The following DLG4 variants were observed in gnomAD, a reference collection of about 807,000 sequenced individuals.
The protein encoded by DLG4 is disks large homolog 4.
DLG4 carries 7 observed loss-of-function variants against 93.8 expected under a neutral mutation model. The observed-to-expected ratio is 0.07, with a 90% CI of 0.04 to 0.14. The LOEUF is 0.14. DLG4 is among the 10% of genes least tolerant of loss of function. DLG4 has a pLI of 1.00. For synonymous variants in DLG4, 341 were observed against 387.6 expected (o/e 0.88, Z 1.41); for missense variants, 545 against 992.9 (o/e 0.55, Z 6.06).
Position 7,191,518 on chromosome 17 carries a change from C to T in DLG4, c.1977-160G>A, listed in dbSNP as rs1029743221. The stretch of plus-strand genomic sequence containing the variant: ...TCTGGGGCCACAGATGAGAACCACC[C>T]CCCACCCCCCTGCCACCCGCAACCG... On this transcript the variant is annotated intron_variant, in intron 18 of 19. Coordinates refer to ENST00000399506, the MANE Select transcript of DLG4 (RefSeq NM_001321075.3). This position sits in a 1 kb window ranked among gnomAD's most constrained non-coding sequence, Gnocchi z 6.6. 1.5e-6 allele frequency: 1 copy of T among 672,256 alleles called. No homozygotes were observed. Among genetic ancestry groups the T allele is most frequent in the Non-Finnish European group, 2.6e-6 (1 of 392,014 alleles). 41.6% of individuals were successfully genotyped at this position (672,256 alleles called of 1,614,324 possible).
chr17:7,217,773 C>T (rs915000249), upstream of DLG4: 19 of 1,535,168 alleles, frequency 1.2e-5, no homozygotes, highest in Middle Eastern at 3.3e-4. Context: ...CTGAGGCAAA[C>T]ATGGAGACCT....
intron 8 of DLG4, among the ~76,000 whole-genome samples, chr17:7,201,884 GA>G (rs1555523660): frequency 5.9e-5 from 9 of 151,966 alleles, no homozygotes; most frequent in Non-Finnish European, 1.5e-5. Flanking sequence ...TCCATTTCAA[GA>G]AAAAAATTAA....
intron 1 of DLG4, among the ~76,000 whole-genome samples, chr17:7,209,361 T>G (rs2070620066): frequency 6.6e-6 from 1 of 151,932 alleles, no homozygotes; most frequent in Admixed American, 6.6e-5. Flanking sequence ...CCTCGCCTGC[T>G]CCTCTCCTCT....
In DLG4 at chr17:7,193,175, C is replaced by G; in HGVS notation, c.1694-58G>C. The G allele has an allele frequency of 6.3e-7, 1 of 1,598,930 alleles. No homozygotes were observed. Among genetic ancestry groups the G allele is most frequent in the South Asian group, 1.1e-5 (1 of 88,918 alleles). On this transcript the variant is annotated intron_variant, in intron 16 of 19. Coordinates refer to ENST00000399506, the MANE Select transcript of DLG4 (RefSeq NM_001321075.3). This position sits in a 1 kb window ranked among gnomAD's most constrained non-coding sequence, Gnocchi z 6.7. ...TAACCACCATCCCTCTAGCTTAAATCCTGCCTACTTCAATCAAATCCCCAT... is the reference window on the plus strand; with the variant it reads ...TAACCACCATCCCTCTAGCTTAAATGCTGCCTACTTCAATCAAATCCCCAT...
At chr17:7,213,809 G>GA (rs916650252) in intron 1 of DLG4, 1 of 471,060 alleles carries the variant, frequency 2.1e-6, no homozygotes, top group African/African-American at 2.0e-5. Flanking sequence ...ACCCAAGCGA[G>GA]ATTGACCCCG....
At chr17:7,211,388 G>A (rs1403141069) in intron 1 of DLG4, among the ~76,000 whole-genome samples, 2 of 151,850 alleles carry the variant, frequency 1.3e-5, no homozygotes, top group African/African-American at 4.8e-5. Context: ...GGACGGAGTC[G>A]CTGTTGTTCC....
At chr17:7,218,220 C>T (rs41283399), upstream of DLG4, 49,500 of 1,601,176 alleles carry the variant, frequency 0.031, 947 homozygotes, top group Middle Eastern at 0.041. Flanking sequence ...GGAAGTTAGG[C>T]GCTCGCCCCC....
At position 7,191,402 on chromosome 17, in the gene DLG4, G is replaced by T; in HGVS notation, c.1977-44C>A. Reference sequence around the variant, plus strand: ...AGCAGGCCTGAGACTGGACCCACCTGACCCTGCCTTTTATCTCCTCTATCC... The same window carrying T: ...AGCAGGCCTGAGACTGGACCCACCTTACCCTGCCTTTTATCTCCTCTATCC... On this transcript the variant is annotated intron_variant, in intron 18 of 19. Transcript: ENST00000399506. This position sits in a 1 kb window ranked among gnomAD's most constrained non-coding sequence, Gnocchi z 6.6. The T allele has an allele frequency of 6.7e-7, 1 of 1,497,728 alleles. No individual in the cohort carries two copies. Among genetic ancestry groups the T allele is most frequent in the South Asian group, 1.1e-5 (1 of 88,442 alleles). 92.8% of individuals were successfully genotyped at this position (1,497,728 alleles called of 1,614,324 possible). A position where few individuals can be genotyped will look rare whatever the true frequency, so the allele number is the denominator to read the frequency against.
In DLG4 at chr17:7,191,182, C is replaced by T. The variant is rs1200417230; in HGVS notation, c.2068+85G>A. On this transcript the variant is annotated intron_variant, in intron 19 of 19. Transcript: ENST00000399506. The surrounding 1 kb of genome is among the most constrained non-coding windows in gnomAD (Gnocchi z 6.6). The stretch of plus-strand genomic sequence containing the variant: ...GCCCACAGGGGCACCTCTTTCTAAG[C>T]CATCCACTGGGGGTGGCGGGGGAGC... 7.4e-7 allele frequency: 1 copy of T among 1,342,698 alleles called. No homozygotes were observed. The highest frequency in any genetic ancestry group is 2.3e-5 in the East Asian group (1 of 43,052). The allele number at this position is 1,342,698 out of a possible 1,614,324, so 83.2% of individuals were successfully genotyped here.
chr17:7,200,556 C>G (rs1240072139), intron 8 of DLG4, among the ~76,000 whole-genome samples: 4 of 132,620 alleles, frequency 3.0e-5, no homozygotes, highest in Admixed American at 3.0e-4. Context: ...TTTTTTTTGT[C>G]GTTTTTTGAG....
At chr17:7,202,704 G>A in intron 8 of DLG4, 199 bp downstream of exon 8, 1 of 699,890 alleles carries the variant, frequency 1.4e-6, no homozygotes, top group South Asian at 2.6e-5. Context: ...TTCCAGGAGA[G>A]AGATCGTTGA....
intron 2 of DLG4, 21 bp from the exon 3 acceptor site, chr17:7,204,273 C>T (rs765652362): frequency 1.9e-6 from 3 of 1,565,504 alleles, no homozygotes; most frequent in South Asian, 1.2e-5. Flanking sequence ...AAACAAGAGA[C>T]AAAAAGCAGC....
rs2069592952 is a variant in DLG4, at chr17:7,193,215, C to G, written c.1694-98G>C. 3 of 1,528,368 alleles carry G rather than the reference C, an allele frequency of 2.0e-6. No individual in the cohort carries two copies. In the African/African-American group the frequency reaches 4.1e-5, roughly 21 times the overall value. The allele number at this position is 1,528,368 out of a possible 1,614,324, so 94.7% of individuals were successfully genotyped here. A position where few individuals can be genotyped will look rare whatever the true frequency, so the allele number is the denominator to read the frequency against. The stretch of plus-strand genomic sequence containing the variant: ...CAAATCCCCATAGTGCCCAGCTGGT[C>G]CTTTGGTGAAAGGGAGCTGCCAGGG... On this transcript the variant is annotated intron_variant, in intron 16 of 19. Transcript: ENST00000399506. The surrounding 1 kb of genome is among the most constrained non-coding windows in gnomAD (Gnocchi z 6.7).
In DLG4 at chr17:7,195,035, A is replaced by G. The variant is rs891009242; in HGVS notation, c.1302-540T>C. ...CACCGTCTCAAAAAAAAAAAAAAAG[A>G]AAAAGAAAAAGAAAAACAGAAAGCA... On this transcript the variant is annotated intron_variant, in intron 11 of 19. Transcript: ENST00000399506. The surrounding 1 kb of genome is among the most constrained non-coding windows in gnomAD (Gnocchi z 4.3). Among the ~76,000 whole-genome samples, 1 of 135,588 alleles carries G rather than the reference A, an allele frequency of 7.4e-6. No individual in the cohort carries two copies. The highest frequency in any genetic ancestry group is 2.5e-5 in the African/African-American group (1 of 39,934). 89.0% of individuals were successfully genotyped at this position (135,588 alleles called of 152,430 possible).
At position 7,194,087 on chromosome 17, in the gene DLG4, C is replaced by T; in HGVS notation, c.1479-87G>A. 6.5e-7 allele frequency: 1 copy of T among 1,531,342 alleles called. No individual in the cohort carries two copies. Among genetic ancestry groups the T allele is most frequent in the Non-Finnish European group, 8.9e-7 (1 of 1,128,626 alleles). 94.9% of individuals were successfully genotyped at this position (1,531,342 alleles called of 1,614,324 possible). ...TCTGAGCCAGCTGACAACCCCTTCT[C>T]CATACTCTGGGCCAGCTGACACCCC... On this transcript the variant is annotated intron_variant, in intron 12 of 19. Transcript: ENST00000399506. The surrounding 1 kb of genome is among the most constrained non-coding windows in gnomAD (Gnocchi z 4.4).
chr17:7,203,798 A>C lies in DLG4; in HGVS notation c.229T>G (p.Phe77Val). The change falls in exon 5 of 20, where the codon TTC (phenylalanine) becomes GTC (valine). Residue 77 changes from phenylalanine to valine, a missense_variant. By Grantham distance (50) the Phe-to-Val change is conservative. This residue lies in a region of DLG4 where 33 missense variants were observed against 107.5 expected (regional missense o/e 0.31). Coordinates refer to ENST00000399506, the MANE Select transcript of DLG4 (RefSeq NM_001321075.3). The surrounding 1 kb of genome is among the most constrained non-coding windows in gnomAD (Gnocchi z 7.2). ...TLERGNSGLG[F>V]SIAGGTDNPH... ...TTGTCAGTGCCACCTGCGATGCTGA[A>C]GCCCAGACCTGAGTTACCCTGGGTG... The C allele has an allele frequency of 6.2e-7, 1 of 1,613,958 alleles. No homozygotes were observed. Among genetic ancestry groups the C allele is most frequent in the Non-Finnish European group, 8.5e-7 (1 of 1,179,880 alleles).
Position 7,217,144 on chromosome 17 carries a change from C to A in DLG4, c.4G>T (p.Asp2Tyr). The A allele has an allele frequency of 7.7e-7, 1 of 1,298,292 alleles. No homozygotes were observed. Among genetic ancestry groups the A allele is most frequent in the South Asian group, 2.9e-5 (1 of 34,092 alleles). 80.4% of individuals were successfully genotyped at this position (1,298,292 alleles called of 1,614,324 possible). A position where few individuals can be genotyped will look rare whatever the true frequency, so the allele number is the denominator to read the frequency against. Residue 2 changes from aspartate to tyrosine, a missense_variant, in exon 1 of 20, where the codon GAC (aspartate) becomes TAC (tyrosine). This residue lies in a region of DLG4 where 49 missense variants were observed against 80.4 expected (regional missense o/e 0.61). Coordinates refer to ENST00000399506, the MANE Select transcript of DLG4 (RefSeq NM_001321075.3). ...TTGGTTGTCACTATACAGAGACAGT[C>A]CATGTTGGGGGGCCTGGCCGCGGCG... Reference protein sequence around the residue: MDCLCIVTTKKY... With the variant: MYCLCIVTTKKY...
At chr17:7,204,306 G>A (rs2142889609) in intron 2 of DLG4, 54 bp from the exon 3 acceptor site, 3 of 1,504,374 alleles carry the variant, frequency 2.0e-6, no homozygotes, top group East Asian at 4.6e-5. Context: ...TCGAGAGGGA[G>A]CCCATAACGG....
upstream of DLG4, chr17:7,217,646 G>C: frequency 7.7e-7 from 1 of 1,296,272 alleles, no homozygotes; most frequent in Non-Finnish European, 1.1e-6. Context: ...AGCAGGGGGA[G>C]GGAGGGAGGG....
Sources: allele counts gnomAD v4.1 joint callset (sites outside exome capture counted in the v4.1 genomes callset), GRCh38; gene constraint gnomAD v4.1.1; regional missense constraint gnomAD v4.1.1; non-coding constraint Gnocchi (gnomAD v3.1); transcripts MANE v1.5; gene names NCBI Gene and HGNC (gene_info 2026-07-23, HGNC 2026-07-21).